Variants in ATP11A observed in about 807,000 individuals in gnomAD.
The protein encoded by ATP11A is phospholipid-transporting ATPase IH.
A neutral mutation model predicts 154.4 loss-of-function variants in ATP11A; 81 were observed. That is an observed-to-expected ratio of 0.52 (90% CI 0.44 to 0.63). The LOEUF is 0.63. ATP11A is among the 30% of genes least tolerant of loss of function. ATP11A has a pLI of 0.00. For synonymous variants in ATP11A, 623 were observed against 585.9 expected, an observed-to-expected ratio of 1.06 and a Z score of -0.91; for missense variants, 1,316 against 1,474.3, an observed-to-expected ratio of 0.89 and a Z score of 1.76.
chr13:112,825,385 T>C (rs202132369), intron 10 of ATP11A, 45 bp from the exon 11 acceptor site: 1 of 1,553,730 alleles, frequency 6.4e-7, no homozygotes, highest in Admixed American at 1.9e-5. Context: ...AGTGCAGAGC[T>C]CATTTCCTCA....
intron 23 of ATP11A, among the ~76,000 whole-genome samples, 179 bp from the exon 24 acceptor site, chr13:112,860,108 G>A (rs1191583963): frequency 1.3e-5 from 2 of 151,866 alleles, no homozygotes; most frequent in African/African-American, 4.8e-5. Flanking sequence ...CTTTTTGCCA[G>A]CTGTGACTTT....
chr13:112,820,573 G>C (rs2078772874), intron 8 of ATP11A, among the ~76,000 whole-genome samples: 1 of 152,216 alleles, frequency 6.6e-6, no homozygotes, highest in Non-Finnish European at 1.5e-5. Context: ...ATGGCCCCGA[G>C]GCAGCCTCGG....
chr13:112,712,631 G>A lies in ATP11A; in HGVS notation c.39+22176G>A, dbSNP rs373292152. 7.2e-5 allele frequency among the ~76,000 whole-genome samples: 11 copies of A among 152,330 alleles called. No homozygotes were observed. In the East Asian group the frequency reaches 1.7e-3, roughly 24 times the overall value. On this transcript the variant is annotated intron_variant, in intron 1 of 29. Coordinates refer to ENST00000375645, the MANE Select transcript of ATP11A (RefSeq NM_015205.3). ...CGTCCACAGCCCCTCGACTCCCTGC[G>A]CAGAGCCCCTCTCACTGGACCGGCG...
intron 1 of ATP11A, among the ~76,000 whole-genome samples, chr13:112,756,869 G>A (rs529182546): frequency 1.3e-5 from 2 of 150,892 alleles, no homozygotes; most frequent in Admixed American, 6.6e-5. Flanking sequence ...CTCCCAGCAC[G>A]TGGTCTGCTC....
rs986241635 is a variant in ATP11A at position 112,820,043 on chromosome 13, C to G, written c.725+93C>G. On this transcript the variant is annotated intron_variant, in intron 8 of 29. Transcript: ENST00000375645. ...CGGACAAGGGTTTCCACGGCGGCTG[C>G]TCTGGTAGATTTGGAAGGTGGAGTT... 5 of 1,279,974 alleles carry G rather than the reference C, an allele frequency of 3.9e-6. No individual in the cohort carries two copies. In the African/African-American group the frequency reaches 7.7e-5, roughly 20 times the overall value. 79.3% of individuals were successfully genotyped at this position (1,279,974 alleles called of 1,614,324 possible).
chr13:112,838,912 G>C lies in ATP11A; in HGVS notation c.1705+2661G>C, dbSNP rs1041040450. Among the ~76,000 whole-genome samples the C allele has an allele frequency of 1.3e-5, 2 of 152,188 alleles. No homozygotes were observed. Among genetic ancestry groups the C allele is most frequent in the African/African-American group, 2.4e-5 (1 of 41,444 alleles). On this transcript the variant is annotated intron_variant, in intron 16 of 29. Coordinates refer to ENST00000375645, the MANE Select transcript of ATP11A (RefSeq NM_015205.3). This position sits in a 1 kb window ranked among gnomAD's most constrained non-coding sequence, Gnocchi z 7.3. ...TGCACTGGAGTTCTCCCTGCTGGGC[G>C]GGGAGACCCTGCAGCCAGCTCACAG... is the stretch of plus-strand genomic sequence containing the variant.
At chr13:112,791,265 T>C (rs1174441017) in intron 2 of ATP11A, among the ~76,000 whole-genome samples, 2 of 152,156 alleles carry the variant, frequency 1.3e-5, no homozygotes, top group Non-Finnish European at 2.9e-5. Context: ...AGGATATGGG[T>C]GATGGGCGTG....
At chr13:112,720,582 G>A (rs954867841) in intron 1 of ATP11A, among the ~76,000 whole-genome samples, 9 of 151,802 alleles carry the variant, frequency 5.9e-5, no homozygotes, top group South Asian at 2.1e-4. Context: ...TTTTTGAGAC[G>A]GAGTCTCGCT....
At chr13:112,765,807 C>T (rs539044088) in intron 1 of ATP11A, among the ~76,000 whole-genome samples, 29 of 152,364 alleles carry the variant, frequency 1.9e-4, no homozygotes, top group East Asian at 5.8e-4. Flanking sequence ...GAATAATTCT[C>T]GCTGCAGAGC....
At chr13:112,806,108 A>G in intron 3 of ATP11A, 105 bp from the exon 4 acceptor site, 1 of 777,962 alleles carries the variant, frequency 1.3e-6, no homozygotes, top group Non-Finnish European at 2.2e-6. Context: ...AAGGTCTTTA[A>G]ATAAGTCAAA....
chr13:112,853,244 C>A (rs578233262), intron 18 of ATP11A, among the ~76,000 whole-genome samples: 226 of 151,748 alleles, frequency 1.5e-3, no homozygotes, highest in African/African-American at 5.1e-3. Context: ...CTTTCTCTCT[C>A]TCTATATATA....
chr13:112,862,558 G>C lies in ATP11A; in HGVS notation c.2974G>C (p.Val992Leu). Reference sequence around the variant, plus strand: ...TTATTTCGTGTTTGAAAATACAACTGTGACAAGCAACGGGCAGGTCAGTAC... The same window carrying C: ...TTATTTCGTGTTTGAAAATACAACTCTGACAAGCAACGGGCAGGTCAGTAC... ...GAYFVFENTT[V>L]TSNGQIFGNW... Residue 992 changes from valine (V) to leucine (L), a missense_variant, in exon 25 of 30, where the codon GTG (valine) becomes CTG (leucine). Around this residue, in one of 5 missense-constraint regions of ATP11A, gnomAD observed 294 missense variants for 290.2 expected, o/e 1.01. Coordinates refer to ENST00000375645, the MANE Select transcript of ATP11A (RefSeq NM_015205.3). 1 of 1,614,192 alleles carries C rather than the reference G, an allele frequency of 6.2e-7. No individual in the cohort carries two copies. Among genetic ancestry groups the C allele is most frequent in the Non-Finnish European group, 8.5e-7 (1 of 1,180,018 alleles).
chr13:112,725,333 G>A (rs1297901144), intron 1 of ATP11A, among the ~76,000 whole-genome samples: 2 of 152,130 alleles, frequency 1.3e-5, no homozygotes, highest in East Asian at 3.9e-4. Context: ...AGCAGACGAG[G>A]TATGGGCAGA....
chr13:112,815,687 T>G (rs1375926813), intron 5 of ATP11A, among the ~76,000 whole-genome samples: 1 of 152,256 alleles, frequency 6.6e-6, no homozygotes, highest in Non-Finnish European at 1.5e-5. Flanking sequence ...TTTGATGATC[T>G]GGGCAGCGCC....
At chr13:112,766,207 A>G (rs997214331) in intron 1 of ATP11A, among the ~76,000 whole-genome samples, 2 of 151,472 alleles carry the variant, frequency 1.3e-5, no homozygotes, top group Non-Finnish European at 2.9e-5. Flanking sequence ...CTGCCTCTCC[A>G]TGCAAGGTCG....
In ATP11A at chr13:112,753,920, A is replaced by G. The variant is rs74967674; in HGVS notation, c.40-31215A>G. 4.0e-3 allele frequency among the ~76,000 whole-genome samples: 608 copies of G among 152,314 alleles called. 3 individuals are homozygous for G. Among genetic ancestry groups the G allele is most frequent in the African/African-American group, 0.014 (570 of 41,554 alleles). ...GAGGAATTAAAGAAAGAAGCCATCT[A>G]TGTTCTTCCTGGGGCATCATTTGAG... On this transcript the variant is annotated intron_variant, in intron 1 of 29. Transcript: ENST00000375645. The surrounding 1 kb of genome is among the most constrained non-coding windows in gnomAD (Gnocchi z 4.1).
In ATP11A at chr13:112,797,374, A is replaced by G. The variant is rs1258995347; in HGVS notation, c.163-7583A>G. The stretch of plus-strand genomic sequence containing the variant: ...AGAAATATCTCCAGTAAAAGTGGCT[A>G]TTTCCAAAATTAATGGCAGATGCCA... On this transcript the variant is annotated intron_variant, in intron 2 of 29. Transcript: ENST00000375645. Among the ~76,000 whole-genome samples, 5 of 152,128 alleles carry G rather than the reference A, an allele frequency of 3.3e-5. No homozygotes were observed. In the East Asian group the frequency reaches 5.8e-4, roughly 18 times the overall value.
In ATP11A at chr13:112,826,547, A is replaced by G. The variant is rs17121738; in HGVS notation, c.1024-147A>G. 3,277 of 706,892 alleles carry G rather than the reference A, an allele frequency of 4.6e-3. 70 individuals are homozygous for G. The African/African-American group carries it at 0.051, about 11-fold the overall frequency. The allele number at this position is 706,892 out of a possible 1,614,324, so 43.8% of individuals were successfully genotyped here. A position where few individuals can be genotyped will look rare whatever the true frequency, so the allele number is the denominator to read the frequency against. On this transcript the variant is annotated intron_variant, in intron 11 of 29. Transcript: ENST00000375645. ...GTGACCCAGTGGCTGCCTTCCGCCC[A>G]TAGTCCTTGTCTTTGGACTCTGAAA...
intron 1 of ATP11A, among the ~76,000 whole-genome samples, chr13:112,702,608 C>T (rs1431443338): frequency 1.3e-5 from 2 of 152,230 alleles, no homozygotes; most frequent in Admixed American, 6.5e-5. Flanking sequence ...TGGCCTTGGC[C>T]GGGCTTCTCT....
Sources: allele counts gnomAD v4.1 joint callset (sites outside exome capture counted in the v4.1 genomes callset), GRCh38; gene constraint gnomAD v4.1.1; regional missense constraint gnomAD v4.1.1; non-coding constraint Gnocchi (gnomAD v3.1); transcripts MANE v1.5; gene names NCBI Gene and HGNC (gene_info 2026-07-23, HGNC 2026-07-21).